Variants in MYPOP observed in about 807,000 individuals in gnomAD.
The protein encoded by MYPOP is Myb related transcription factor, partner of profilin, also known as myb-related transcription factor, partner of profilin.
MYPOP carries 21 observed loss-of-function variants against 25.7 expected under a neutral mutation model. The ratio of observed to expected loss-of-function variants is 0.82; its 90% CI spans 0.58 to 1.18. The LOEUF is 1.18. Among genes scored for constraint, MYPOP ranks in the 50% most tolerant of loss-of-function variants. The pLI is 0.00. For missense variants in MYPOP, 566 were observed against 588.3 expected, an observed-to-expected ratio of 0.96 and a Z score of 0.39; for synonymous variants, 280 against 247.9, an observed-to-expected ratio of 1.13 and a Z score of -1.22.
chr19:45,901,302 C>T lies in MYPOP; in HGVS notation c.472G>A (p.Glu158Lys). The T allele has an allele frequency of 6.9e-7, 1 of 1,455,592 alleles. No individual in the cohort carries two copies. Among genetic ancestry groups the T allele is most frequent in the Non-Finnish European group, 9.0e-7 (1 of 1,105,258 alleles). 90.2% of individuals were successfully genotyped at this position (1,455,592 alleles called of 1,614,324 possible). ...GCACGTCGGTCCTCCCGGCGGTCTTCCGACAACACGTAGCGCTGAGGGCAG... is the reference window on the plus strand; with the variant it reads ...GCACGTCGGTCCTCCCGGCGGTCTTTCGACAACACGTAGCGCTGAGGGCAG... Reference protein sequence around the residue: ...SACPQRYVLSEDRREDRRADT... With the variant: ...SACPQRYVLSKDRREDRRADT... Residue 158 changes from glutamate (E) to lysine (K), a missense_variant, in exon 2 of 3, where the codon GAA becomes AAA. Physicochemically the swap from Glu to Lys is moderately conservative, Grantham distance 56 (BLOSUM62 1). Coordinates refer to ENST00000322217, the MANE Select transcript of MYPOP (RefSeq NM_001012643.4). This position sits in a 1 kb window ranked among gnomAD's most constrained non-coding sequence, Gnocchi z 5.7.
chr19:45,892,650 TC>T (rs1967142704), intron 2 of MYPOP, among the ~76,000 whole-genome samples: 2 of 151,354 alleles, frequency 1.3e-5, no homozygotes, highest in South Asian at 4.2e-4. Flanking sequence ...AGCTCCATCC[TC>T]CCAGCTGCTC....
At position 45,901,244 on chromosome 19, in the gene MYPOP, C is replaced by G. The variant is rs1327365580; in HGVS notation, c.499+31G>C. On this transcript the variant is annotated intron_variant, in intron 2 of 2. Coordinates refer to ENST00000322217, the MANE Select transcript of MYPOP (RefSeq NM_001012643.4). This position sits in a 1 kb window ranked among gnomAD's most constrained non-coding sequence, Gnocchi z 5.7. ...GACATGTAAAAGGCTTGCAACAGCG[C>G]AGGCACACAGCCTACTCTGAAGACA... 5 of 1,421,768 alleles carry G rather than the reference C, an allele frequency of 3.5e-6. No homozygotes were observed. In the East Asian group the frequency reaches 1.4e-4, roughly 40 times the overall value. The allele number at this position is 1,421,768 out of a possible 1,614,324, so 88.1% of individuals were successfully genotyped here. A position where few individuals can be genotyped will look rare whatever the true frequency, so the allele number is the denominator to read the frequency against.
chr19:45,893,628 G>A (rs896257149), intron 2 of MYPOP, among the ~76,000 whole-genome samples: 7 of 151,508 alleles, frequency 4.6e-5, no homozygotes, highest in Non-Finnish European at 1.0e-4. Context: ...AGTGGCTGCC[G>A]GGGGCTGGGG....
chr19:45,901,293 G>A lies in MYPOP; in HGVS notation c.481C>T (p.Arg161Trp). Residue 161 changes from arginine (R) to tryptophan (W), a missense_variant, in exon 2 of 3, where the codon CGG (arginine) becomes TGG (tryptophan). Coordinates refer to ENST00000322217, the MANE Select transcript of MYPOP (RefSeq NM_001012643.4). This position sits in a 1 kb window ranked among gnomAD's most constrained non-coding sequence, Gnocchi z 5.7. ...PQRYVLSEDR[R>W]EDRRADTSAH... is the part of the protein sequence containing the mutation. ...CACTCACCTGCACGTCGGTCCTCCC[G>A]GCGGTCTTCCGACAACACGTAGCGC... 6.9e-7 allele frequency: 1 copy of A among 1,451,882 alleles called. No individual in the cohort carries two copies. Among genetic ancestry groups the A allele is most frequent in the Non-Finnish European group, 9.1e-7 (1 of 1,103,488 alleles). The allele number at this position is 1,451,882 out of a possible 1,614,324, so 89.9% of individuals were successfully genotyped here. A position where few individuals can be genotyped will look rare whatever the true frequency, so the allele number is the denominator to read the frequency against.
intron 2 of MYPOP, among the ~76,000 whole-genome samples, chr19:45,895,139 C>T (rs1019134566): frequency 3.3e-5 from 5 of 152,214 alleles, no homozygotes; most frequent in East Asian, 3.8e-4. Flanking sequence ...GGGCCCTGCA[C>T]GATCTTCCCC....
chr19:45,890,619 G>T lies in MYPOP; in HGVS notation c.*4C>A. ...GTTGCAGGCAGGATCATAGATAGTA[G>T]ATTTCACGGAGATTTCCATCGGCCG... On this transcript the variant is annotated 3_prime_UTR_variant, in exon 3 of 3. Transcript: ENST00000322217. 6.2e-7 allele frequency: 1 copy of T among 1,606,484 alleles called. No homozygotes were observed.
chr19:45,899,562 G>A (rs1035912657), intron 2 of MYPOP, among the ~76,000 whole-genome samples: 25 of 152,008 alleles, frequency 1.6e-4, no homozygotes, highest in African/African-American at 5.1e-4. Context: ...AGTCCAGGCC[G>A]GGCGTGGTGG....
At position 45,891,335 on chromosome 19, in the gene MYPOP, G is replaced by A. The variant is rs765014038; in HGVS notation, c.500-12C>T. On this transcript the variant is annotated splice_polypyrimidine_tract_variant and intron_variant, in intron 2 of 2. Transcript: ENST00000322217. ...GTGGGCTGATGTATCTGTAGAGAGAGAAATACAGGTAAGGGGTGAGCGACC... is the reference window on the plus strand; with the variant it reads ...GTGGGCTGATGTATCTGTAGAGAGAAAAATACAGGTAAGGGGTGAGCGACC... The A allele has an allele frequency of 4.9e-5, 72 of 1,480,052 alleles. No homozygotes were observed. Among genetic ancestry groups the A allele is most frequent in the Non-Finnish European group, 6.0e-5 (67 of 1,120,648 alleles). The allele number at this position is 1,480,052 out of a possible 1,614,324, so 91.7% of individuals were successfully genotyped here.
intron 2 of MYPOP, among the ~76,000 whole-genome samples, chr19:45,898,287 G>C (rs1461021729): frequency 6.6e-6 from 1 of 151,982 alleles, no homozygotes; most frequent in East Asian, 1.9e-4. Flanking sequence ...TGGGATTTCA[G>C]GCGTGAGCCA....
In MYPOP at chr19:45,901,417, G is replaced by A. The variant is rs1320916828; in HGVS notation, c.357C>T (p.Ile119=). The change falls in exon 2 of 3, where the codon ATC becomes ATT. Residue 119 remains isoleucine (I), a synonymous_variant. Transcript: ENST00000322217. The surrounding 1 kb of genome is among the most constrained non-coding windows in gnomAD (Gnocchi z 5.7). The stretch of plus-strand genomic sequence containing the variant: ...CCGGCGCCGCCACACCTGGCCCCAG[G>A]ATGGCAAAAATGGTCTCCTCTTCCG... The part of the protein sequence containing the change: ...FSAEEETIFA[I]LGPGVAAPGA... 3.2e-6 allele frequency: 5 copies of A among 1,566,158 alleles called. No individual in the cohort carries two copies. The highest frequency in any genetic ancestry group is 4.3e-6 in the Non-Finnish European group (5 of 1,156,206).
intron 2 of MYPOP, among the ~76,000 whole-genome samples, chr19:45,894,071 G>T (rs1047829880): frequency 6.6e-6 from 1 of 151,166 alleles, no homozygotes; most frequent in African/African-American, 2.4e-5. Flanking sequence ...TTACAGGCAT[G>T]AGCCACCGCG....
At chr19:45,902,416 G>A (rs1021502478) in intron 1 of MYPOP, among the ~76,000 whole-genome samples, 154 bp downstream of exon 1, 2 of 152,098 alleles carry the variant, frequency 1.3e-5, no homozygotes, top group Non-Finnish European at 2.9e-5. Context: ...GGTCTGCGAG[G>A]ATTGTGGGGG....
chr19:45,901,800 C>A lies in MYPOP; in HGVS notation c.-27G>T. 2 of 1,376,514 alleles carry A rather than the reference C, an allele frequency of 1.5e-6. No homozygotes were observed. The highest frequency in any genetic ancestry group is 1.9e-6 in the Non-Finnish European group (2 of 1,071,242). 85.3% of individuals were successfully genotyped at this position (1,376,514 alleles called of 1,614,324 possible). A position where few individuals can be genotyped will look rare whatever the true frequency, so the allele number is the denominator to read the frequency against. On this transcript the variant is annotated 5_prime_UTR_variant, in exon 2 of 3. Transcript: ENST00000322217. The surrounding 1 kb of genome is among the most constrained non-coding windows in gnomAD (Gnocchi z 5.7). ...GCGCCCCCCGACGCCGCCGTCCTGCCGTCTGGCGCATGGGGGGCGCCGGCG... is the reference window on the plus strand; with the variant it reads ...GCGCCCCCCGACGCCGCCGTCCTGCAGTCTGGCGCATGGGGGGCGCCGGCG...
intron 2 of MYPOP, among the ~76,000 whole-genome samples, chr19:45,898,144 T>C (rs968597642): frequency 1.5e-4 from 22 of 151,226 alleles, no homozygotes; most frequent in African/African-American, 5.3e-4. Context: ...AGACTGGTCT[T>C]GAACTCCTAA....
In MYPOP at chr19:45,901,356, G is replaced by A. The variant is rs557877475; in HGVS notation, c.418C>T (p.Pro140Ser). 7 of 1,463,672 alleles carry A rather than the reference G, an allele frequency of 4.8e-6. No individual in the cohort carries two copies. The highest frequency in any genetic ancestry group is 6.3e-6 in the Non-Finnish European group (7 of 1,108,568). 90.7% of individuals were successfully genotyped at this position (1,463,672 alleles called of 1,614,324 possible). ...CTTGGGGGCGGCGGCTGTGAAGAGG[G>A]GGCCGCAGGGGGCTCCTCCGCCCCA... ...GAGAEEPPAA[P>S]SSQPPPPSAC... Residue 140 changes from proline (P) to serine (S), a missense_variant, in exon 2 of 3, where the codon CCC (proline) becomes TCC (serine). Pro to Ser is a moderately conservative substitution (Grantham distance 74). Transcript: ENST00000322217. This position sits in a 1 kb window ranked among gnomAD's most constrained non-coding sequence, Gnocchi z 5.7.
intron 2 of MYPOP, among the ~76,000 whole-genome samples, chr19:45,898,495 G>C (rs1389042049): frequency 2.0e-5 from 3 of 150,942 alleles, no homozygotes; most frequent in African/African-American, 2.4e-5. Context: ...GGCTAATTTT[G>C]TATTTTTAGT....
rs748302851 is a variant in MYPOP at position 45,890,684 on chromosome 19, G to C, written c.1139C>G (p.Pro380Arg). 29 of 1,603,286 alleles carry C rather than the reference G, an allele frequency of 1.8e-5. No individual in the cohort carries two copies. The highest frequency in any genetic ancestry group is 2.2e-5 in the East Asian group (1 of 44,468). ...AGGGAAACCTTTTCTCCGCTTGTGTGGGGGGGAGTCGTGCGGAGGGAGCGG... is the reference window on the plus strand; with the variant it reads ...AGGGAAACCTTTTCTCCGCTTGTGTCGGGGGGAGTCGTGCGGAGGGAGCGG... Reference protein sequence around the residue: ...PAPLPPHDSPPHKRRKGFPTR... With the variant: ...PAPLPPHDSPRHKRRKGFPTR... Residue 380 changes from proline (P) to arginine (R), a missense_variant, in exon 3 of 3, where the codon CCA becomes CGA. Pro to Arg is a moderately radical substitution (Grantham distance 103). Transcript: ENST00000322217.
At chr19:45,896,729 C>T (rs1967210933) in intron 2 of MYPOP, among the ~76,000 whole-genome samples, 1 of 151,460 alleles carries the variant, frequency 6.6e-6, no homozygotes, top group Non-Finnish European at 1.5e-5. Flanking sequence ...GGGTTCACGC[C>T]ATTCTCCTGC....
chr19:45,901,882 T>A lies in MYPOP; in HGVS notation c.-52-57A>T. On this transcript the variant is annotated intron_variant, in intron 1 of 2. Coordinates refer to ENST00000322217, the MANE Select transcript of MYPOP (RefSeq NM_001012643.4). This position sits in a 1 kb window ranked among gnomAD's most constrained non-coding sequence, Gnocchi z 5.7. The stretch of plus-strand genomic sequence containing the variant: ...GGTTCGGGGTCCCCCCGCCGCCGCC[T>A]CTCCCAGACCGCCGGGCCGAGAGCT... The A allele has an allele frequency of 1.1e-6, 1 of 925,286 alleles. No individual in the cohort carries two copies. The allele number at this position is 925,286 out of a possible 1,614,324, so 57.3% of individuals were successfully genotyped here.
Sources: allele counts gnomAD v4.1 joint callset (sites outside exome capture counted in the v4.1 genomes callset), GRCh38; gene constraint gnomAD v4.1.1; non-coding constraint Gnocchi (gnomAD v3.1); transcripts MANE v1.5; gene names NCBI Gene and HGNC (gene_info 2026-07-23, HGNC 2026-07-21).